GXYLT1: variants seen among roughly 807,000 people sequenced by gnomAD.
The protein encoded by GXYLT1 is glucoside xylosyltransferase 1, also known as glycosyltransferase 8 domain containing 3.
GXYLT1 carries 29 observed loss-of-function variants against 54.0 expected under a neutral mutation model. The observed-to-expected ratio is 0.54, with a 90% CI of 0.40 to 0.73. The LOEUF (loss-of-function observed/expected upper bound fraction) is 0.73, where lower values mean the gene tolerates loss of function less well. Among genes scored for constraint, GXYLT1 ranks in the 30% least tolerant of loss-of-function variants. The probability of loss-of-function intolerance (pLI) is 0.00; values close to 1 mark genes in which losing one functional copy is unlikely to be tolerated. For synonymous variants in GXYLT1, 176 were observed against 204.1 expected, an observed-to-expected ratio of 0.86 and a Z score of 1.17; for missense variants, 490 against 553.4, an observed-to-expected ratio of 0.89 and a Z score of 1.15.
intron 2 of GXYLT1, among the ~76,000 whole-genome samples, chr12:42,127,001 T>C (rs1049403597): frequency 6.6e-6 from 1 of 152,232 alleles, no homozygotes; most frequent in Admixed American, 6.5e-5. Context: ...TTAGTTTTTA[T>C]ATTATGTTCA....
Position 42,083,318 on chromosome 12 carries a change from G to A in GXYLT1, c.*4468C>T, listed in dbSNP as rs1294629786. The A allele has an allele frequency of 2.0e-5, 3 of 148,562 alleles. No individual in the cohort carries two copies. The highest frequency in any genetic ancestry group is 7.4e-5 in the African/African-American group (3 of 40,282). The allele number at this position is 148,562 out of a possible 1,614,324, so 9.2% of individuals were successfully genotyped here. On this transcript the variant is annotated 3_prime_UTR_variant, in exon 8 of 8. Transcript: ENST00000398675. ...AGCCAGATTTTAATAGGCAAAAAAG[G>A]GTTGCTTTGGCAATGGATAAAAGAA...
At chr12:42,139,909 C>T (rs1021380638) in intron 1 of GXYLT1, among the ~76,000 whole-genome samples, 2 of 152,006 alleles carry the variant, frequency 1.3e-5, no homozygotes, top group African/African-American at 4.8e-5. Context: ...GGGCTGGGCA[C>T]GGTGGCTAAT....
chr12:42,139,772 T>C (rs2065641143), intron 1 of GXYLT1, among the ~76,000 whole-genome samples: 1 of 152,196 alleles, frequency 6.6e-6, no homozygotes, highest in African/African-American at 2.4e-5. Context: ...GCACTGGTTT[T>C]ATGTAAGATG....
chr12:42,115,885 C>G (rs924655131), intron 3 of GXYLT1, among the ~76,000 whole-genome samples: 1 of 128,188 alleles, frequency 7.8e-6, no homozygotes, highest in Non-Finnish European at 1.7e-5. Flanking sequence ...AACTATACTA[C>G]AAGGCTACAA....
At chr12:42,116,548 C>T (rs994109379) in intron 3 of GXYLT1, among the ~76,000 whole-genome samples, 1 of 152,180 alleles carries the variant, frequency 6.6e-6, no homozygotes, top group African/African-American at 2.4e-5. Flanking sequence ...CACTGGCCAT[C>T]AGAGAAATGC....
At chr12:42,107,791 C>T (rs898481265) in intron 4 of GXYLT1, among the ~76,000 whole-genome samples, 2 of 152,108 alleles carry the variant, frequency 1.3e-5, no homozygotes, top group African/African-American at 4.8e-5. Flanking sequence ...TAGCAACATT[C>T]TACATCTGTG....
chr12:42,097,751 C>T (rs1345947305), intron 6 of GXYLT1, 137 bp from the exon 7 acceptor site: 3 of 1,019,412 alleles, frequency 2.9e-6, no homozygotes, highest in Non-Finnish European at 4.3e-6. Flanking sequence ...TAGATCTCTT[C>T]CAATTAAAGC....
intron 1 of GXYLT1, among the ~76,000 whole-genome samples, chr12:42,141,604 C>T (rs1022810120): frequency 6.6e-6 from 1 of 151,716 alleles, no homozygotes; most frequent in African/African-American, 2.4e-5. Flanking sequence ...GTGATCATTT[C>T]TCAATGTATA....
chr12:42,124,936 T>C (rs974334922), intron 2 of GXYLT1, among the ~76,000 whole-genome samples: 5 of 152,226 alleles, frequency 3.3e-5, no homozygotes, highest in African/African-American at 1.2e-4. Context: ...CTGTTAATCA[T>C]TTGTTTCTCA....
At chr12:42,091,937 T>C (rs1482364760) in intron 7 of GXYLT1, among the ~76,000 whole-genome samples, 1 of 152,188 alleles carries the variant, frequency 6.6e-6, no homozygotes, top group Non-Finnish European at 1.5e-5. Context: ...TCCGTGGATC[T>C]TTTCACAGCC....
intron 3 of GXYLT1, among the ~76,000 whole-genome samples, chr12:42,112,950 A>G (rs1592112809): frequency 6.6e-6 from 1 of 151,446 alleles, no homozygotes. Flanking sequence ...AAACTCTACA[A>G]GCCAGAAGAG....
At chr12:42,089,657 A>T (rs575160967) in intron 7 of GXYLT1, among the ~76,000 whole-genome samples, 58 of 152,322 alleles carry the variant, frequency 3.8e-4, no homozygotes, top group African/African-American at 1.1e-3. Flanking sequence ...TAGCTCCAAA[A>T]GTCCATGCAC....
chr12:42,130,445 G>A (rs528079729), intron 1 of GXYLT1, among the ~76,000 whole-genome samples: 3 of 151,912 alleles, frequency 2.0e-5, no homozygotes, highest in Non-Finnish European at 2.9e-5. Flanking sequence ...CAGTTAAAAT[G>A]GTTATTATCA....
At chr12:42,125,404 T>C (rs1461137603) in intron 2 of GXYLT1, among the ~76,000 whole-genome samples, 1 of 152,148 alleles carries the variant, frequency 6.6e-6, no homozygotes, top group Non-Finnish European at 1.5e-5. Context: ...GAACTCTGAA[T>C]TGGAGCTATC....
At chr12:42,112,940 A>G (rs1157138449) in intron 3 of GXYLT1, among the ~76,000 whole-genome samples, 1 of 151,340 alleles carries the variant, frequency 6.6e-6, no homozygotes, top group Non-Finnish European at 1.5e-5. Context: ...CTCTCGGCAG[A>G]AACTCTACAA....
At chr12:42,107,078 G>C (rs1306554886) in intron 4 of GXYLT1, among the ~76,000 whole-genome samples, 1 of 152,050 alleles carries the variant, frequency 6.6e-6, no homozygotes, top group African/African-American at 2.4e-5. Context: ...CCTTACCCAT[G>C]AACTTTAGGT....
At chr12:42,091,963 C>T (rs2065331679) in intron 7 of GXYLT1, among the ~76,000 whole-genome samples, 1 of 152,168 alleles carries the variant, frequency 6.6e-6, no homozygotes, top group African/African-American at 2.4e-5. Flanking sequence ...ACCTTTTTCT[C>T]AGGCAGTTGT....
rs1200100808 is a variant in GXYLT1 at position 42,084,586 on chromosome 12, T to C, written c.*3200A>G. 1 of 152,328 alleles carries C rather than the reference T, an allele frequency of 6.6e-6. No homozygotes were observed. The highest frequency in any genetic ancestry group is 2.4e-5 in the African/African-American group (1 of 41,488). 9.4% of individuals were successfully genotyped at this position (152,328 alleles called of 1,614,324 possible). A position where few individuals can be genotyped will look rare whatever the true frequency, so the allele number is the denominator to read the frequency against. On this transcript the variant is annotated 3_prime_UTR_variant, in exon 8 of 8. Coordinates refer to ENST00000398675, the MANE Select transcript of GXYLT1 (RefSeq NM_173601.2). ...GGTTTGAAGGGTACACTGATTGTAC[T>C]TAAAAACCTAAGGCACAGAGAAGGG...
At chr12:42,104,237 C>T (rs1039601393) in intron 5 of GXYLT1, among the ~76,000 whole-genome samples, 1 of 144,852 alleles carries the variant, frequency 6.9e-6, no homozygotes, top group Non-Finnish European at 1.5e-5. Flanking sequence ...ATTTCAAATG[C>T]AGTTATTGAG....
Sources: gnomAD v4.1 joint callset for allele counts (sites outside exome capture counted in the v4.1 genomes callset) on GRCh38, gnomAD v4.1.1 for gene constraint, MANE v1.5 for transcripts, NCBI Gene and HGNC (gene_info 2026-07-23, HGNC 2026-07-21) for gene names.